Variants in ARHGAP10 observed in about 807,000 individuals in gnomAD.
The protein encoded by ARHGAP10 is Rho GTPase activating protein 10, also known as rho GTPase-activating protein 10.
ARHGAP10 carries 87 observed loss-of-function variants against 108.6 expected under a neutral mutation model. That is an observed-to-expected ratio of 0.80 (90% CI 0.67 to 0.96). The LOEUF (loss-of-function observed/expected upper bound fraction) is 0.96. Ranked by LOEUF, ARHGAP10 falls within the 40% of genes least tolerant of loss-of-function variation. The pLI is 0.00. For synonymous variants in ARHGAP10, 347 were observed against 341.1 expected (o/e 1.02, Z -0.19); for missense variants, 939 against 954.5 (o/e 0.98, Z 0.21).
chr4:147,744,419 G>T (rs547920058), intron 1 of ARHGAP10, among the ~76,000 whole-genome samples: 1 of 152,094 alleles, frequency 6.6e-6, no homozygotes, highest in Non-Finnish European at 1.5e-5. Context: ...TGGAAAGCAG[G>T]TTGAGGGCTT....
chr4:147,773,548 T>C (rs938127978), intron 1 of ARHGAP10, among the ~76,000 whole-genome samples: 1 of 152,220 alleles, frequency 6.6e-6, no homozygotes, highest in Non-Finnish European at 1.5e-5. Context: ...AAATATTGTA[T>C]TCTGAGTTAT....
intron 19 of ARHGAP10, among the ~76,000 whole-genome samples, chr4:148,044,896 T>C (rs79588294): frequency 0.014 from 2,146 of 152,306 alleles, 48 homozygotes; most frequent in African/African-American, 0.049. Context: ...CTATTGGCGC[T>C]GAGTTTCTCC....
At chr4:147,928,994 G>C (rs1486250070) in intron 13 of ARHGAP10, among the ~76,000 whole-genome samples, 1 of 152,208 alleles carries the variant, frequency 6.6e-6, no homozygotes, top group Non-Finnish European at 1.5e-5. Flanking sequence ...CACATAGCTA[G>C]AAGGTGGCAG....
intron 3 of ARHGAP10, among the ~76,000 whole-genome samples, chr4:147,830,548 C>T (rs545101574): frequency 5.1e-4 from 57 of 111,228 alleles, no homozygotes; most frequent in Admixed American, 1.3e-3. Flanking sequence ...TGGGGGGAGC[C>T]TTGCTTTGTC....
intron 19 of ARHGAP10, among the ~76,000 whole-genome samples, chr4:148,025,697 T>C (rs13110502): frequency 0.24 from 35,735 of 152,044 alleles, 6,407 homozygotes; most frequent in African/African-American, 0.51. Context: ...ATATTGAAAA[T>C]TTTACTGCCA....
chr4:147,852,354 G>A (rs968279823), intron 4 of ARHGAP10, among the ~76,000 whole-genome samples: 10 of 152,330 alleles, frequency 6.6e-5, no homozygotes, highest in African/African-American at 2.2e-4. Flanking sequence ...GCTCTGACAG[G>A]TGTCTGCCAG....
chr4:148,042,981 A>G (rs957311191), intron 19 of ARHGAP10, among the ~76,000 whole-genome samples: 3 of 152,084 alleles, frequency 2.0e-5, no homozygotes, highest in African/African-American at 7.2e-5. Context: ...GGCAGTCCTG[A>G]TGACTCCTGG....
intron 5 of ARHGAP10, chr4:147,862,988 ATATTAAAG>A (rs1478786060): frequency 6.6e-6 from 1 of 152,236 alleles, no homozygotes; most frequent in African/African-American, 2.4e-5. Flanking sequence ...TTAGTAATAT[ATATTAAAG>A]TATTTGCTGA....
chr4:148,023,169 C>T (rs1741634073), intron 18 of ARHGAP10, 94 bp from the exon 19 acceptor site: 1 of 1,463,878 alleles, frequency 6.8e-7, no homozygotes, highest in African/African-American at 1.4e-5. Flanking sequence ...CTTGAATGAA[C>T]TCCAAATCAA....
intron 19 of ARHGAP10, among the ~76,000 whole-genome samples, chr4:148,040,576 A>G (rs2149675944): frequency 6.6e-6 from 1 of 152,182 alleles, no homozygotes; most frequent in Non-Finnish European, 1.5e-5. Context: ...TCCTGGCCTC[A>G]GGTGATCCAC....
intron 13 of ARHGAP10, among the ~76,000 whole-genome samples, chr4:147,914,117 A>G (rs1205880778): frequency 6.6e-6 from 1 of 152,130 alleles, no homozygotes; most frequent in Admixed American, 6.5e-5. Context: ...GTGTCACTGC[A>G]CTCCAGCCTG....
At chr4:147,960,119 G>A (rs1361873072) in intron 16 of ARHGAP10, among the ~76,000 whole-genome samples, 5 of 152,090 alleles carry the variant, frequency 3.3e-5, no homozygotes, top group African/African-American at 1.2e-4. Flanking sequence ...ATTTTCTCTA[G>A]TGTTGATTAG....
At chr4:147,758,263 C>CA (rs754776146) in intron 1 of ARHGAP10, among the ~76,000 whole-genome samples, 6,011 of 88,808 alleles carry the variant, frequency 0.068, 247 homozygotes, top group African/African-American at 0.16. Flanking sequence ...AACTTCATCT[C>CA]AAAAAAAAAA....
chr4:147,868,609 C>T (rs1476356943), intron 7 of ARHGAP10, among the ~76,000 whole-genome samples: 1 of 152,098 alleles, frequency 6.6e-6, no homozygotes, highest in Non-Finnish European at 1.5e-5. Context: ...AGATAGTTCA[C>T]GTAAGTGGTC....
rs1378146346 is a variant in ARHGAP10, at chr4:147,823,006, A to G, written c.312+49A>G. The stretch of plus-strand genomic sequence containing the variant: ...AATAAGTCAGCTTTCAAGGGGGAAA[A>G]AAATCTGGATTTGGAAGCTTGTTCT... On this transcript the variant is annotated intron_variant, in intron 3 of 22. Transcript: ENST00000336498. 7 of 1,548,562 alleles carry G rather than the reference A, an allele frequency of 4.5e-6. No individual in the cohort carries two copies. In the Admixed American group the frequency reaches 8.4e-5, roughly 19 times the overall value.
chr4:148,006,528 A>T (rs907503585), intron 18 of ARHGAP10, among the ~76,000 whole-genome samples: 1 of 152,234 alleles, frequency 6.6e-6, no homozygotes, highest in African/African-American at 2.4e-5. Flanking sequence ...GTGGTCTGCC[A>T]CTGTGGAGCA....
chr4:147,821,475 G>A (rs527552105), intron 1 of ARHGAP10, among the ~76,000 whole-genome samples: 1 of 152,188 alleles, frequency 6.6e-6, no homozygotes, highest in East Asian at 1.9e-4. Flanking sequence ...TTACAGTTTT[G>A]CCTTTTCATA....
intron 20 of ARHGAP10, among the ~76,000 whole-genome samples, chr4:148,049,189 C>T (rs900633038): frequency 2.0e-5 from 3 of 152,028 alleles, no homozygotes; most frequent in Non-Finnish European, 2.9e-5. Context: ...ACCAGAACCT[C>T]CTGTAGGTCT....
intron 4 of ARHGAP10, among the ~76,000 whole-genome samples, chr4:147,855,687 T>G (rs1440001297): frequency 1.1e-4 from 16 of 151,074 alleles, no homozygotes; most frequent in Admixed American, 7.2e-4. Context: ...AGATGGTTTT[T>G]TTTTTTTTTT....
Sources: allele counts gnomAD v4.1 joint callset (sites outside exome capture counted in the v4.1 genomes callset), GRCh38; gene constraint gnomAD v4.1.1; transcripts MANE v1.5; gene names NCBI Gene and HGNC (gene_info 2026-07-23, HGNC 2026-07-21).